NFATC2: variants seen among roughly 807,000 people sequenced by gnomAD.
NFATC2 encodes the protein nuclear factor of activated T cells 2.
NFATC2 carries 22 observed loss-of-function variants against 87.3 expected under a neutral mutation model. That is an observed-to-expected ratio of 0.25 (90% confidence interval 0.18 to 0.36). The LOEUF is 0.36. Among genes scored for constraint, NFATC2 ranks in the 10% least tolerant of loss-of-function variants. NFATC2 has a pLI of 1.00. For synonymous variants in NFATC2, 565 were observed against 542.2 expected, an observed-to-expected ratio of 1.04 and a Z score of -0.58; for missense variants, 1,149 against 1,259.1, an observed-to-expected ratio of 0.91 and a Z score of 1.32.
chr20:51,528,385 CACAA>C (rs1049282148), intron 1 of NFATC2, among the ~76,000 whole-genome samples: 28 of 150,442 alleles, frequency 1.9e-4, no homozygotes, highest in African/African-American at 5.6e-4. Flanking sequence ...AGAGGATGTA[CACAA>C]ACACAGAGAG....
chr20:51,435,387 A>C (rs1363835978), intron 7 of NFATC2, 73 bp from the exon 8 acceptor site: 1 of 1,598,652 alleles, frequency 6.3e-7, no homozygotes, highest in Non-Finnish European at 8.5e-7. Flanking sequence ...AAGCGCATCC[A>C]GGCAGCCCAC....
At chr20:51,396,944 C>T (rs1191531626) in intron 10 of NFATC2, among the ~76,000 whole-genome samples, 2 of 152,074 alleles carry the variant, frequency 1.3e-5, no homozygotes, top group Admixed American at 6.5e-5. Flanking sequence ...TTTGAGTCTC[C>T]CTCCGTCACA....
intron 5 of NFATC2, among the ~76,000 whole-genome samples, chr20:51,466,869 C>G (rs1358929801): frequency 6.6e-6 from 1 of 152,058 alleles, no homozygotes; most frequent in Non-Finnish European, 1.5e-5. Flanking sequence ...GTCAGGAGTT[C>G]AAGACCAGCC....
rs748325186 is a variant in NFATC2 at position 51,425,170 on chromosome 20, G to T, written c.2722+6897C>A. ...ACCAGTATTAGAGAGCAGACCAGAAGGGGGAAGACATCTTCTGCTGGATGT... is the reference window on the plus strand; with the variant it reads ...ACCAGTATTAGAGAGCAGACCAGAATGGGGAAGACATCTTCTGCTGGATGT... On this transcript the variant is annotated intron_variant, in intron 9 of 10. Transcript: ENST00000371564. 7.6e-4 allele frequency among the ~76,000 whole-genome samples: 116 copies of T among 152,194 alleles called. 1 individual carries two copies. The highest frequency in any genetic ancestry group is 1.5e-3 in the Non-Finnish European group (102 of 68,038).
chr20:51,400,472 G>T (rs950062160), intron 9 of NFATC2, among the ~76,000 whole-genome samples: 1 of 150,040 alleles, frequency 6.7e-6, no homozygotes, highest in Non-Finnish European at 1.5e-5. Flanking sequence ...TATGGGGGGT[G>T]GGGGGGCACA....
intron 1 of NFATC2, among the ~76,000 whole-genome samples, chr20:51,558,363 T>A (rs1304226698): frequency 1.3e-5 from 2 of 152,072 alleles, no homozygotes; most frequent in African/African-American, 4.8e-5. Context: ...AATAAAAACT[T>A]GACCGGCTTC....
intron 5 of NFATC2, among the ~76,000 whole-genome samples, chr20:51,470,134 T>A (rs918734703): frequency 1.3e-5 from 2 of 151,932 alleles, no homozygotes; most frequent in Non-Finnish European, 2.9e-5. Flanking sequence ...TGGGTAGGCT[T>A]GTTGTTGGGG....
At chr20:51,394,573 C>T (rs1298321669) in intron 10 of NFATC2, among the ~76,000 whole-genome samples, 1 of 149,006 alleles carries the variant, frequency 6.7e-6, no homozygotes, top group Non-Finnish European at 1.5e-5. Flanking sequence ...TCACTATCCC[C>T]TGCTGCGCTG....
At chr20:51,529,408 G>A (rs2076597749) in intron 1 of NFATC2, among the ~76,000 whole-genome samples, 1 of 151,974 alleles carries the variant, frequency 6.6e-6, no homozygotes, top group Non-Finnish European at 1.5e-5. Flanking sequence ...CAGCAAGCAG[G>A]GAATATGAAG....
intron 6 of NFATC2, chr20:51,453,067 C>A (rs1230664235): frequency 6.5e-6 from 1 of 154,708 alleles, no homozygotes; most frequent in African/African-American, 2.4e-5. Context: ...CCCTGCATCT[C>A]CCTTCCCCAC....
intron 1 of NFATC2, among the ~76,000 whole-genome samples, chr20:51,528,156 TA>T (rs2076576067): frequency 6.6e-6 from 1 of 151,880 alleles, no homozygotes; most frequent in Admixed American, 6.6e-5. Flanking sequence ...TGTGTATGCT[TA>T]AGATTCATTA....
Position 51,393,736 on chromosome 20 carries a change from G to A in NFATC2, c.*45-2285C>T, listed in dbSNP as rs1600637531. 2.0e-5 allele frequency among the ~76,000 whole-genome samples: 3 copies of A among 152,214 alleles called. No individual in the cohort carries two copies. In the East Asian group the frequency reaches 5.8e-4, roughly 29 times the overall value. On this transcript the variant is annotated intron_variant, in intron 10 of 10. Coordinates refer to ENST00000371564, the MANE Select transcript of NFATC2 (RefSeq NM_012340.5). Reference sequence around the variant, plus strand: ...TTCATGTGAAGCTTTTCAAAGCCCGGATTCCAAAGGGCTTCCTGTTTTCTC... The same window carrying A: ...TTCATGTGAAGCTTTTCAAAGCCCGAATTCCAAAGGGCTTCCTGTTTTCTC...
intron 1 of NFATC2, among the ~76,000 whole-genome samples, chr20:51,541,038 C>G (rs1305743195): frequency 6.6e-6 from 1 of 152,104 alleles, no homozygotes; most frequent in African/African-American, 2.4e-5. Context: ...CATCTCCAGC[C>G]AAGACACAAA....
chr20:51,397,015 C>G (rs1406171439), intron 10 of NFATC2, among the ~76,000 whole-genome samples: 4 of 82,422 alleles, frequency 4.9e-5, no homozygotes, highest in African/African-American at 2.8e-4. Context: ...AAGCGATTCT[C>G]CTGCCTCAAC....
chr20:51,486,136 G>C (rs942416872), intron 3 of NFATC2, among the ~76,000 whole-genome samples: 1 of 151,972 alleles, frequency 6.6e-6, no homozygotes, highest in Non-Finnish European at 1.5e-5. Flanking sequence ...GCTTGAACCC[G>C]GGAGGCAGAG....
intron 9 of NFATC2, chr20:51,399,298 C>T (rs1042887608): frequency 6.5e-6 from 1 of 153,194 alleles, no homozygotes; most frequent in Non-Finnish European, 1.5e-5. Context: ...TGAATGAGAC[C>T]TGGGGAGTCT....
rs111281955 is a variant in NFATC2, at chr20:51,503,880, G to A, written c.1332+12904C>T. Among the ~76,000 whole-genome samples the A allele has an allele frequency of 3.0e-3, 455 of 152,306 alleles. 2 individuals are homozygous for A. Among genetic ancestry groups the A allele is most frequent in the Non-Finnish European group, 5.4e-3 (367 of 68,028 alleles). On this transcript the variant is annotated intron_variant, in intron 3 of 10. Transcript: ENST00000371564. ...AATGTTTGAGACAGAGTCTTGCTCT[G>A]TCACCCAGGCTGGAGTGCAGTGGTG...
chr20:51,526,465 G>A (rs1054015144), intron 1 of NFATC2, among the ~76,000 whole-genome samples: 13 of 152,274 alleles, frequency 8.5e-5, no homozygotes, highest in East Asian at 5.8e-4. Flanking sequence ...CCAGAGCTCC[G>A]TCAGTGTTGG....
Position 51,432,568 on chromosome 20 carries a change from G to C in NFATC2, c.2221C>G (p.Arg741Gly), listed in dbSNP as rs78964722. 6.3e-4 allele frequency: 972 copies of C among 1,535,062 alleles called. No individual in the cohort carries two copies. Among genetic ancestry groups the C allele is most frequent in the Non-Finnish European group, 7.8e-4 (892 of 1,141,772 alleles). The change falls in exon 9 of 11, where the codon CGC (arginine) becomes GGC (glycine). Residue 741 changes from arginine to glycine, a missense_variant. Arg to Gly is a moderately radical substitution (Grantham distance 125). This residue lies in a region of NFATC2 where 581 missense variants were observed against 649.7 expected (regional missense o/e 0.89). Coordinates refer to ENST00000371564, the MANE Select transcript of NFATC2 (RefSeq NM_012340.5). The surrounding 1 kb of genome is among the most constrained non-coding windows in gnomAD (Gnocchi z 4.6). ...GCCGCTGGGTTCTGTTGCTGGTAGCGGGCGTCAGGGGATGAGAGCCCCGTG... is the reference window on the plus strand; with the variant it reads ...GCCGCTGGGTTCTGTTGCTGGTAGCCGGCGTCAGGGGATGAGAGCCCCGTG... ...FRTGLSSPDA[R>G]YQQQNPAAVL...
Sources: allele counts gnomAD v4.1 joint callset (sites outside exome capture counted in the v4.1 genomes callset), GRCh38; gene constraint gnomAD v4.1.1; regional missense constraint gnomAD v4.1.1; non-coding constraint Gnocchi (gnomAD v3.1); transcripts MANE v1.5; gene names NCBI Gene and HGNC (gene_info 2026-07-23, HGNC 2026-07-21).